NRXN3: variants seen among roughly 807,000 people sequenced by gnomAD.
NRXN3 encodes neurexin III.
A neutral mutation model predicts 137.6 loss-of-function variants in NRXN3; 32 were observed. That is an observed-to-expected ratio of 0.23 (90% CI 0.18 to 0.31). The LOEUF (loss-of-function observed/expected upper bound fraction) is 0.31. Ranked by LOEUF, NRXN3 falls within the 10% of genes least tolerant of loss-of-function variation. NRXN3 has a pLI of 1.00. For missense variants in NRXN3, 1,574 were observed against 2,062.5 expected (o/e 0.76, Z 4.59); for synonymous variants, 798 against 784.5 (o/e 1.02, Z -0.29).
intron 15 of NRXN3, among the ~76,000 whole-genome samples, chr14:79,233,513 C>A (rs557603060): frequency 6.6e-6 from 1 of 152,040 alleles, no homozygotes; most frequent in African/African-American, 2.4e-5. Context: ...TACTGTAATC[C>A]GTGATTTGGT....
intron 4 of NRXN3, among the ~76,000 whole-genome samples, chr14:78,464,395 C>A (rs1390087506): frequency 6.6e-6 from 1 of 152,088 alleles, no homozygotes; most frequent in Non-Finnish European, 1.5e-5. Context: ...TGTGACTAGA[C>A]AGTAAGGGAG....
chr14:78,843,830 G>T (rs1271572279), intron 10 of NRXN3, among the ~76,000 whole-genome samples: 1 of 152,044 alleles, frequency 6.6e-6, no homozygotes, highest in Non-Finnish European at 1.5e-5. Context: ...AGTTGTTATG[G>T]CTGGCCCCAA....
intron 4 of NRXN3, among the ~76,000 whole-genome samples, chr14:78,613,208 T>C (rs529863296): frequency 6.6e-6 from 1 of 152,324 alleles, no homozygotes; most frequent in East Asian, 1.9e-4. Flanking sequence ...TATCCAGATC[T>C]GAGGCTGTAT....
chr14:79,352,475 C>T (rs984302906), intron 15 of NRXN3, among the ~76,000 whole-genome samples: 3 of 151,936 alleles, frequency 2.0e-5, no homozygotes, highest in African/African-American at 2.4e-5. Context: ...CAGCAGAATC[C>T]GGATCAATTG....
intron 20 of NRXN3, chr14:79,860,938 T>C: frequency 1.4e-6 from 1 of 740,468 alleles, no homozygotes; most frequent in Non-Finnish European, 2.0e-6. Flanking sequence ...GATCCAGATC[T>C]TTTTATTATA....
chr14:78,607,125 G>C lies in NRXN3; in HGVS notation c.758-37995G>C, dbSNP rs567622466. 2.0e-5 allele frequency among the ~76,000 whole-genome samples: 3 copies of C among 152,126 alleles called. 1 individual carries two copies. The highest frequency in any genetic ancestry group is 7.2e-5 in the African/African-American group (3 of 41,526). Reference sequence around the variant, plus strand: ...CTTTGATAAGTTTTAGAGGTGTAGAGAAAGAGCTCTGTCTCCTCCCTGGGA... The same window carrying C: ...CTTTGATAAGTTTTAGAGGTGTAGACAAAGAGCTCTGTCTCCTCCCTGGGA... On this transcript the variant is annotated intron_variant, in intron 4 of 20. Coordinates refer to ENST00000335750, the MANE Select transcript of NRXN3 (RefSeq NM_001330195.2).
chr14:79,406,496 G>A (rs1599820019), intron 15 of NRXN3, among the ~76,000 whole-genome samples: 1 of 151,780 alleles, frequency 6.6e-6, no homozygotes, highest in Non-Finnish European at 1.5e-5. Context: ...TAGAGATGGG[G>A]TTTCACCATG....
intron 4 of NRXN3, among the ~76,000 whole-genome samples, chr14:78,485,845 G>C (rs1254719327): frequency 6.6e-6 from 1 of 152,200 alleles, no homozygotes; most frequent in Non-Finnish European, 1.5e-5. Flanking sequence ...TCAATGCAGT[G>C]TAGTCACCAA....
At position 79,337,039 on chromosome 14, in the gene NRXN3, A is replaced by T. The variant is rs147117404; in HGVS notation, c.3263-130182A>T. 9.1e-4 allele frequency among the ~76,000 whole-genome samples: 138 copies of T among 152,342 alleles called. 2 individuals carry two copies. The East Asian group carries it at 0.024, about 26-fold the overall frequency. On this transcript the variant is annotated intron_variant, in intron 15 of 20. Coordinates refer to ENST00000335750, the MANE Select transcript of NRXN3 (RefSeq NM_001330195.2). ...AAAACGCTTCACCTATTTCTTGAAA[A>T]ATGACCGACAAGATGTTTTTCGTCC...
At chr14:79,570,636 A>G (rs996735095) in intron 16 of NRXN3, 1 of 152,196 alleles carries the variant, frequency 6.6e-6, no homozygotes, top group Admixed American at 6.5e-5. Context: ...GATAAATTGG[A>G]AATTGTCTTT....
chr14:78,238,208 C>T (rs922212392), intron 1 of NRXN3, among the ~76,000 whole-genome samples: 1 of 136,384 alleles, frequency 7.3e-6, no homozygotes, highest in Non-Finnish European at 1.5e-5. Flanking sequence ...AAGATGTTAA[C>T]CCCACATAAA....
intron 10 of NRXN3, among the ~76,000 whole-genome samples, chr14:78,871,670 T>A (rs906213353): frequency 6.6e-6 from 1 of 152,146 alleles, no homozygotes; most frequent in Non-Finnish European, 1.5e-5. Context: ...AACTTTGGAA[T>A]TGGAAGTCCA....
At chr14:79,756,043 T>G (rs553058584) in intron 19 of NRXN3, among the ~76,000 whole-genome samples, 1 of 152,292 alleles carries the variant, frequency 6.6e-6, no homozygotes, top group African/African-American at 2.4e-5. Flanking sequence ...TTTATTTTGG[T>G]AATTCTCTTG....
intron 10 of NRXN3, among the ~76,000 whole-genome samples, chr14:78,939,006 C>G (rs923454591): frequency 1.3e-5 from 2 of 151,892 alleles, no homozygotes; most frequent in Admixed American, 6.6e-5. Flanking sequence ...CCACCTCGCC[C>G]GGCTAATTTT....
chr14:78,213,141 G>C (rs994599897), intron 1 of NRXN3, among the ~76,000 whole-genome samples: 1 of 152,166 alleles, frequency 6.6e-6, no homozygotes, highest in Non-Finnish European at 1.5e-5. Context: ...GTTTAGGATG[G>C]CTAGAAGCCT....
At chr14:78,992,600 T>G (rs1174609340) in intron 15 of NRXN3, among the ~76,000 whole-genome samples, 1 of 152,218 alleles carries the variant, frequency 6.6e-6, no homozygotes, top group Non-Finnish European at 1.5e-5. Flanking sequence ...GTTGAGTTTT[T>G]CTTTCCTTCA....
chr14:79,191,888 A>G (rs1014401870), intron 15 of NRXN3, among the ~76,000 whole-genome samples: 3 of 151,908 alleles, frequency 2.0e-5, no homozygotes, highest in Non-Finnish European at 4.4e-5. Flanking sequence ...CAAATAGATA[A>G]GGTGGCTTCT....
chr14:79,798,466 A>G (rs1341074679), intron 19 of NRXN3, among the ~76,000 whole-genome samples: 4 of 152,234 alleles, frequency 2.6e-5, no homozygotes, highest in African/African-American at 9.6e-5. Flanking sequence ...GAGCAGCTGC[A>G]GAGATGTATG....
At chr14:79,461,441 C>G (rs1426575345) in intron 15 of NRXN3, among the ~76,000 whole-genome samples, 3 of 152,100 alleles carry the variant, frequency 2.0e-5, no homozygotes, top group Admixed American at 1.3e-4. Context: ...ATATAAGGCC[C>G]AGCTGTTATA....
Sources: gnomAD v4.1 joint callset for allele counts (sites outside exome capture counted in the v4.1 genomes callset) on GRCh38, gnomAD v4.1.1 for gene constraint, MANE v1.5 for transcripts, NCBI Gene and HGNC (gene_info 2026-07-23, HGNC 2026-07-21) for gene names.